INSYN2A: variants seen among roughly 807,000 people sequenced by gnomAD.
The protein encoded by INSYN2A is inhibitory synaptic factor 2A.
In INSYN2A, 17 loss-of-function variants were observed where a neutral mutation model predicts 39.4. That is an observed-to-expected ratio of 0.43 (90% CI 0.30 to 0.65). INSYN2A has a LOEUF of 0.65. Ranked by LOEUF, INSYN2A falls within the 30% of genes least tolerant of loss-of-function variation. INSYN2A has a pLI of 0.14. For synonymous variants in INSYN2A, 255 were observed against 265.7 expected (o/e 0.96, Z 0.39); for missense variants, 595 against 631.2 (o/e 0.94, Z 0.61).
chr10:127,141,676 C>CAA (rs796870030), intron 5 of INSYN2A, among the ~76,000 whole-genome samples: 4 of 139,912 alleles, frequency 2.9e-5, no homozygotes, highest in Admixed American at 7.1e-5. Flanking sequence ...GTCTTTAAAA[C>CAA]AAAAAAAAAA....
intron 4 of INSYN2A, among the ~76,000 whole-genome samples, chr10:127,156,491 T>G (rs1474560384): frequency 6.6e-6 from 1 of 151,998 alleles, no homozygotes; most frequent in Non-Finnish European, 1.5e-5. Context: ...AGAAATTGCT[T>G]TTCTGAATCT....
chr10:127,176,274 C>T lies in INSYN2A; in HGVS notation c.122G>A (p.Arg41Gln), dbSNP rs148136993. The T allele has an allele frequency of 1.8e-5, 29 of 1,614,006 alleles. No homozygotes were observed. Among genetic ancestry groups the T allele is most frequent in the East Asian group, 4.5e-5 (2 of 44,864 alleles). ...ALDPNRQIKK[R>Q]NKALQVRFKD... is the part of the protein sequence containing the mutation. The stretch of plus-strand genomic sequence containing the variant: ...AAACCGCACCTGCAGGGCTTTGTTC[C>T]GTTTTTTAATCTGCCGGTTGGGGTC... The change falls in exon 4 of 6, where the codon CGG becomes CAG. Residue 41 changes from arginine to glutamine, a missense_variant. By Grantham distance (43) the Arg-to-Gln change is conservative. This residue lies in a region of INSYN2A where 478 missense variants were observed against 467.4 expected (regional missense o/e 1.02). Transcript: ENST00000522781. This position sits in a 1 kb window ranked among gnomAD's most constrained non-coding sequence, Gnocchi z 4.4.
intron 1 of INSYN2A, among the ~76,000 whole-genome samples, chr10:127,194,308 T>C (rs1052202795): frequency 6.6e-6 from 1 of 152,236 alleles, no homozygotes; most frequent in Non-Finnish European, 1.5e-5. Context: ...ATGTAAGTAG[T>C]AAACATGGAT....
At position 127,194,031 on chromosome 10, in the gene INSYN2A, C is replaced by T. The variant is rs145984844; in HGVS notation, c.-394-1301G>A. Among the ~76,000 whole-genome samples, 119 of 152,254 alleles carry T rather than the reference C, an allele frequency of 7.8e-4. 3 individuals carry two copies. In the East Asian group the frequency reaches 0.021, roughly 27 times the overall value. On this transcript the variant is annotated intron_variant, in intron 1 of 5. Transcript: ENST00000522781. Reference sequence around the variant, plus strand: ...TAATCACAATGATAAAATACAAAGTCGTGGCAACTGTAATAAGTTTAAAGA... The same window carrying T: ...TAATCACAATGATAAAATACAAAGTTGTGGCAACTGTAATAAGTTTAAAGA...
chr10:127,188,979 G>A (rs560554339), intron 2 of INSYN2A, among the ~76,000 whole-genome samples: 3 of 152,324 alleles, frequency 2.0e-5, no homozygotes, highest in South Asian at 2.1e-4. Flanking sequence ...CCACCACGCT[G>A]CACTCCACTG....
chr10:127,176,419 A>C lies in INSYN2A; in HGVS notation c.-5-19T>G, dbSNP rs1387858159. The stretch of plus-strand genomic sequence containing the variant: ...ATGGTTCCTGCATTCAGAAACAGCA[A>C]CAGAGGTGTCAGTGGGACAGAAATA... On this transcript the variant is annotated intron_variant, in intron 3 of 5. Coordinates refer to ENST00000522781, the MANE Select transcript of INSYN2A (RefSeq NM_001039762.3). This position sits in a 1 kb window ranked among gnomAD's most constrained non-coding sequence, Gnocchi z 4.4. 1 of 1,572,254 alleles carries C rather than the reference A, an allele frequency of 6.4e-7. No individual in the cohort carries two copies.
chr10:127,192,165 A>G (rs2056805076), intron 2 of INSYN2A, among the ~76,000 whole-genome samples: 1 of 152,144 alleles, frequency 6.6e-6, no homozygotes, highest in Non-Finnish European at 1.5e-5. Flanking sequence ...TTTTTTGCTC[A>G]AACTTCCTAA....
rs2050609075 is a variant in INSYN2A at position 127,135,466 on chromosome 10, C to A, written c.*2371G>T. 6.6e-6 allele frequency: 1 copy of A among 152,580 alleles called. No homozygotes were observed. Among genetic ancestry groups the A allele is most frequent in the Non-Finnish European group, 1.5e-5 (1 of 68,030 alleles). The allele number at this position is 152,580 out of a possible 1,614,324, so 9.5% of individuals were successfully genotyped here. On this transcript the variant is annotated 3_prime_UTR_variant, in exon 6 of 6. Coordinates refer to ENST00000522781, the MANE Select transcript of INSYN2A (RefSeq NM_001039762.3). ...TTTTTATTTAAAAATTAATAAAGAACTTAACGACAAGTATAATAATTTAAT... is the reference window on the plus strand; with the variant it reads ...TTTTTATTTAAAAATTAATAAAGAAATTAACGACAAGTATAATAATTTAAT...
rs1592166319 is a variant in INSYN2A at position 127,137,663 on chromosome 10, C to T, written c.*174G>A. On this transcript the variant is annotated 3_prime_UTR_variant, in exon 6 of 6. Coordinates refer to ENST00000522781, the MANE Select transcript of INSYN2A (RefSeq NM_001039762.3). Reference sequence around the variant, plus strand: ...GCTGGCAAGGAGTGACACAGAATACCTTGCTTCTGTTAATTATCTATTGGT... The same window carrying T: ...GCTGGCAAGGAGTGACACAGAATACTTTGCTTCTGTTAATTATCTATTGGT... The T allele has an allele frequency of 1.9e-6, 1 of 534,540 alleles. No individual in the cohort carries two copies. Among genetic ancestry groups the T allele is most frequent in the Non-Finnish European group, 3.2e-6 (1 of 307,692 alleles). 33.1% of individuals were successfully genotyped at this position (534,540 alleles called of 1,614,324 possible).
intron 2 of INSYN2A, among the ~76,000 whole-genome samples, chr10:127,180,415 G>C (rs80344689): frequency 6.6e-6 from 1 of 152,138 alleles, no homozygotes; most frequent in African/African-American, 2.4e-5. Flanking sequence ...TTTATTTTTC[G>C]TAAGAAAATT....
At chr10:127,193,528 A>G (rs572780351) in intron 1 of INSYN2A, among the ~76,000 whole-genome samples, 1 of 152,308 alleles carries the variant, frequency 6.6e-6, no homozygotes, top group South Asian at 2.1e-4. Context: ...CTCATATTCC[A>G]GAGTTCAGTA....
At chr10:127,156,673 A>G (rs1166382525) in intron 4 of INSYN2A, among the ~76,000 whole-genome samples, 2 of 146,646 alleles carry the variant, frequency 1.4e-5, no homozygotes, top group Non-Finnish European at 3.0e-5. Flanking sequence ...GGTTCAAGCG[A>G]TTCTCCTGCC....
At chr10:127,158,109 C>A (rs1484526930) in intron 4 of INSYN2A, among the ~76,000 whole-genome samples, 4 of 152,208 alleles carry the variant, frequency 2.6e-5, no homozygotes, top group Non-Finnish European at 5.9e-5. Flanking sequence ...TGGGCTGCAG[C>A]ATCTGAATAT....
Position 127,149,323 on chromosome 10 carries a change from A to G in INSYN2A, c.1256+4529T>C, listed in dbSNP as rs1200539421. Among the ~76,000 whole-genome samples the G allele has an allele frequency of 2.6e-5, 4 of 152,266 alleles. No individual in the cohort carries two copies. The East Asian group carries it at 5.8e-4, about 22-fold the overall frequency. ...GTACGCGGCAGGCTCTCACGGGCTG[A>G]TGTTTCTCACCTTTCGCTTGTCGTA... On this transcript the variant is annotated intron_variant, in intron 5 of 5. Transcript: ENST00000522781.
intron 4 of INSYN2A, among the ~76,000 whole-genome samples, chr10:127,161,248 T>C (rs1047759641): frequency 6.6e-6 from 1 of 152,252 alleles, no homozygotes; most frequent in Non-Finnish European, 1.5e-5. Flanking sequence ...AGCTGTTAAA[T>C]GCTAGAATTT....
chr10:127,138,525 C>G (rs1205714541), intron 5 of INSYN2A, among the ~76,000 whole-genome samples: 1 of 152,186 alleles, frequency 6.6e-6, no homozygotes, highest in Non-Finnish European at 1.5e-5. Flanking sequence ...GGCTGACATT[C>G]TCCTTGTAAA....
intron 5 of INSYN2A, among the ~76,000 whole-genome samples, chr10:127,144,774 C>G (rs2051632182): frequency 6.6e-6 from 1 of 152,152 alleles, no homozygotes; most frequent in Non-Finnish European, 1.5e-5. Flanking sequence ...TTCACCGTAA[C>G]TTTGTATCCT....
At chr10:127,192,499 G>C (rs1409241458) in intron 2 of INSYN2A, 106 bp downstream of exon 2, 1 of 152,174 alleles carries the variant, frequency 6.6e-6, no homozygotes, top group Admixed American at 6.6e-5. Flanking sequence ...TTTGTCATCT[G>C]ATAACATCTT....
rs181493344 is a variant in INSYN2A at position 127,149,027 on chromosome 10, T to C, written c.1256+4825A>G. Among the ~76,000 whole-genome samples, 998 of 152,270 alleles carry C rather than the reference T, an allele frequency of 6.6e-3. 4 individuals are homozygous for C. The highest frequency in any genetic ancestry group is 0.012 in the Admixed American group (176 of 15,294). ...GCCCATCAATCCTCTGCCGAAGAAG[T>C]GTTACTCAGCTCTGAGTCAATAGAT... On this transcript the variant is annotated intron_variant, in intron 5 of 5. Transcript: ENST00000522781.
Sources: allele counts gnomAD v4.1 joint callset (sites outside exome capture counted in the v4.1 genomes callset), GRCh38; gene constraint gnomAD v4.1.1; regional missense constraint gnomAD v4.1.1; non-coding constraint Gnocchi (gnomAD v3.1); transcripts MANE v1.5; gene names NCBI Gene and HGNC (gene_info 2026-07-23, HGNC 2026-07-21).